The following FAT3 variants were observed in gnomAD, a reference collection of about 807,000 sequenced individuals.
FAT3 encodes protocadherin Fat 3.
In FAT3, 95 loss-of-function variants were observed where a neutral mutation model predicts 310.2. The ratio of observed to expected loss-of-function variants is 0.31; its 90% CI spans 0.26 to 0.36. FAT3 has a LOEUF of 0.36. FAT3 is among the 10% of genes least tolerant of loss of function. The pLI is 1.00. For missense variants in FAT3, 5,408 were observed against 5,715.6 expected, an observed-to-expected ratio of 0.95 and a Z score of 1.74; for synonymous variants, 2,314 against 2,192.9, an observed-to-expected ratio of 1.06 and a Z score of -1.54.
At chr11:92,335,545 C>T (rs989033062) in intron 1 of FAT3, among the ~76,000 whole-genome samples, 1 of 152,086 alleles carries the variant, frequency 6.6e-6, no homozygotes, top group Non-Finnish European at 1.5e-5. Context: ...ATATAAAAAA[C>T]CTTAAAAGTA....
chr11:92,378,361 A>C (rs1385148807), intron 2 of FAT3, among the ~76,000 whole-genome samples: 1 of 152,118 alleles, frequency 6.6e-6, no homozygotes, highest in African/African-American at 2.4e-5. Flanking sequence ...TATCATCGAG[A>C]TAGTTATAAT....
At chr11:92,563,775 T>G (rs1955323178) in intron 3 of FAT3, among the ~76,000 whole-genome samples, 1 of 151,924 alleles carries the variant, frequency 6.6e-6, no homozygotes, top group Non-Finnish European at 1.5e-5. Flanking sequence ...GAATTTCATA[T>G]CCAGCCAAAA....
Position 92,524,688 on chromosome 11 carries a change from T to C in FAT3, c.3347T>C (p.Leu1116Pro), listed in dbSNP as rs1953792432. ...LDRETMGSYWLTVYATDRGVV... is the reference protein window; with the variant it reads ...LDRETMGSYWPTVYATDRGVV... ...CGGGAGACAATGGGGTCATACTGGC[T>C]AACAGTGTATGCCACAGACAGGGGC... is the stretch of plus-strand genomic sequence containing the variant. The change falls in exon 3 of 28, where the codon CTA becomes CCA. Residue 1116 changes from leucine to proline, a missense_variant. By Grantham distance (98) the Leu-to-Pro change is moderately conservative. This residue lies in a region of FAT3 where 4,588 missense variants were observed against 4,809.8 expected (regional missense o/e 0.95). Coordinates refer to ENST00000525166, the MANE Select transcript of FAT3 (RefSeq NM_001367949.2). 6.2e-7 allele frequency: 1 copy of C among 1,613,802 alleles called. No individual in the cohort carries two copies. Among genetic ancestry groups the C allele is most frequent in the Non-Finnish European group, 8.5e-7 (1 of 1,179,848 alleles).
intron 1 of FAT3, among the ~76,000 whole-genome samples, 80 bp downstream of exon 1, chr11:92,225,254 T>C (rs1223877800): frequency 6.6e-6 from 1 of 152,168 alleles, no homozygotes; most frequent in Non-Finnish European, 1.5e-5. Flanking sequence ...CAGCCTCAGC[T>C]GCTGGGTGCA....
intron 3 of FAT3, among the ~76,000 whole-genome samples, chr11:92,625,085 A>G (rs567221736): frequency 6.6e-6 from 1 of 152,290 alleles, no homozygotes; most frequent in South Asian, 2.1e-4. Context: ...TTAACCCATC[A>G]TGGTGGGTGT....
chr11:92,613,196 CT>C (rs1940648625), intron 3 of FAT3, among the ~76,000 whole-genome samples: 1 of 152,146 alleles, frequency 6.6e-6, no homozygotes. Flanking sequence ...AATAATGCCT[CT>C]TTCCCTCCTT....
chr11:92,459,773 C>T (rs779324289), intron 2 of FAT3, among the ~76,000 whole-genome samples: 7 of 152,154 alleles, frequency 4.6e-5, no homozygotes, highest in Middle Eastern at 3.4e-3. Flanking sequence ...ATGATACATT[C>T]TATTGTGCCA....
chr11:92,661,443 A>G (rs1942777838), intron 3 of FAT3, among the ~76,000 whole-genome samples: 1 of 152,172 alleles, frequency 6.6e-6, no homozygotes, highest in South Asian at 2.1e-4. Flanking sequence ...CCCTTGAAAT[A>G]AATTCAATTC....
intron 4 of FAT3, among the ~76,000 whole-genome samples, chr11:92,750,033 A>G (rs1348938681): frequency 6.6e-6 from 1 of 152,230 alleles, no homozygotes; most frequent in African/African-American, 2.4e-5. Context: ...CAGCCTATGT[A>G]GATGAGTTCA....
At chr11:92,433,540 T>C (rs1950849496) in intron 2 of FAT3, among the ~76,000 whole-genome samples, 1 of 152,118 alleles carries the variant, frequency 6.6e-6, no homozygotes, top group Non-Finnish European at 1.5e-5. Context: ...ACCCTACTTT[T>C]GCTCACCCTC....
At chr11:92,356,736 A>T (rs557653504) in intron 2 of FAT3, among the ~76,000 whole-genome samples, 1 of 152,148 alleles carries the variant, frequency 6.6e-6, no homozygotes, top group Non-Finnish European at 1.5e-5. Flanking sequence ...ATGAATTTGT[A>T]GGGGACACAT....
intron 1 of FAT3, among the ~76,000 whole-genome samples, chr11:92,298,384 C>A (rs1359041826): frequency 6.6e-6 from 1 of 152,002 alleles, no homozygotes; most frequent in Non-Finnish European, 1.5e-5. Context: ...CCCATGGGTC[C>A]CATTCCTTTG....
chr11:92,510,052 GA>G (rs1424244027), intron 2 of FAT3, among the ~76,000 whole-genome samples: 1 of 151,994 alleles, frequency 6.6e-6, no homozygotes, highest in Non-Finnish European at 1.5e-5. Context: ...AGCAAGAATA[GA>G]AATAAACTTC....
chr11:92,351,676 T>C (rs912380120), intron 1 of FAT3, among the ~76,000 whole-genome samples: 4 of 152,070 alleles, frequency 2.6e-5, no homozygotes, highest in Non-Finnish European at 5.9e-5. Context: ...CATTTTTTTT[T>C]TACTTTAAAC....
At position 92,800,378 on chromosome 11, in the gene FAT3, C is replaced by A; in HGVS notation, c.7365C>A (p.Asn2455Lys). ...DSKSGVITLS[N>K]HRKQRMEPLY... ...AGAGTGGAGTTATCACATTGTCCAA[C>A]CATCGGAAGCAGCGGATGGAGCCTC... The change falls in exon 10 of 28, where the codon AAC becomes AAA. Residue 2455 changes from asparagine to lysine, a missense_variant. Transcript: ENST00000525166. The A allele has an allele frequency of 6.2e-7, 1 of 1,613,978 alleles. No homozygotes were observed. The highest frequency in any genetic ancestry group is 8.5e-7 in the Non-Finnish European group (1 of 1,179,884).
chr11:92,410,571 G>A (rs577637451), intron 2 of FAT3, among the ~76,000 whole-genome samples: 4 of 152,140 alleles, frequency 2.6e-5, no homozygotes, highest in African/African-American at 9.6e-5. Context: ...TTTTCCATTA[G>A]GGGGTCCTTA....
intron 13 of FAT3, among the ~76,000 whole-genome samples, chr11:92,814,055 G>T (rs546734759): frequency 1.3e-5 from 2 of 152,262 alleles, no homozygotes; most frequent in African/African-American, 2.4e-5. Flanking sequence ...GTCTGGTGGA[G>T]GCCCATTTCA....
At chr11:92,838,703 A>G (rs1948465528) in intron 17 of FAT3, among the ~76,000 whole-genome samples, 1 of 152,142 alleles carries the variant, frequency 6.6e-6, no homozygotes, top group African/African-American at 2.4e-5. Flanking sequence ...TGTGGGTGGA[A>G]GGTGAAATGT....
chr11:92,732,993 A>G (rs979047160), intron 4 of FAT3, among the ~76,000 whole-genome samples: 1 of 152,174 alleles, frequency 6.6e-6, no homozygotes, highest in Non-Finnish European at 1.5e-5. Context: ...ACCCAGGAAA[A>G]AACTTCACCG....
Sources: allele counts gnomAD v4.1 joint callset (sites outside exome capture counted in the v4.1 genomes callset), GRCh38; gene constraint gnomAD v4.1.1; regional missense constraint gnomAD v4.1.1; transcripts MANE v1.5; gene names NCBI Gene and HGNC (gene_info 2026-07-23, HGNC 2026-07-21).